The following NUCB1 variants were observed in gnomAD, a reference collection of about 807,000 sequenced individuals.
NUCB1 encodes the protein nucleobindin 1.
NUCB1 carries 47 observed loss-of-function variants against 61.2 expected under a neutral mutation model. The ratio of observed to expected loss-of-function variants is 0.77; its 90% CI spans 0.61 to 0.98. The LOEUF is 0.98. Among genes scored for constraint, NUCB1 ranks in the 50% least tolerant of loss-of-function variants. The probability of loss-of-function intolerance (pLI) is 0.00; values close to 1 mark genes in which losing one functional copy is unlikely to be tolerated. For synonymous variants in NUCB1, 234 were observed against 243.1 expected (o/e 0.96, Z 0.35); for missense variants, 583 against 605.3 (o/e 0.96, Z 0.39).
intron 10 of NUCB1, among the ~76,000 whole-genome samples, chr19:48,919,504 G>T (rs993580712): frequency 6.6e-6 from 1 of 150,556 alleles, no homozygotes; most frequent in Non-Finnish European, 1.5e-5. Context: ...CTGAGACGGA[G>T]TCTCACTCCA....
chr19:48,915,319 A>G (rs536409894), intron 7 of NUCB1, among the ~76,000 whole-genome samples: 61 of 96,228 alleles, frequency 6.3e-4, no homozygotes, highest in African/African-American at 2.6e-3. Flanking sequence ...TCTCTACTAA[A>G]AATACAAAAA....
intron 2 of NUCB1, chr19:48,901,181 C>A: frequency 1.7e-6 from 1 of 602,902 alleles, no homozygotes; most frequent in Non-Finnish European, 3.0e-6. Flanking sequence ...TTCTCTCCAC[C>A]CAAGAAGGAA....
chr19:48,904,952 G>C (rs1375345385), intron 3 of NUCB1, among the ~76,000 whole-genome samples: 1 of 149,004 alleles, frequency 6.7e-6, no homozygotes, highest in African/African-American at 2.6e-5. Flanking sequence ...CACAGAATAC[G>C]TGTTTAGTGC....
chr19:48,905,764 G>A lies in NUCB1; in HGVS notation c.255G>A (p.Leu85=), dbSNP rs939293847. The change falls in exon 4 of 13, where the codon CTG becomes CTA. Residue 85 remains leucine (L), a synonymous_variant. Coordinates refer to ENST00000405315, the MANE Select transcript of NUCB1 (RefSeq NM_006184.6). ...TCCTCTCCTGTCAGAGCGGGAAGCT[G>A]AGCCGAGAGCTGGACTTTGTCAGCC... ...ANAEDIKSGK[L]SRELDFVSHH... The A allele has an allele frequency of 4.3e-6, 7 of 1,614,086 alleles. No homozygotes were observed. Among genetic ancestry groups the A allele is most frequent in the Non-Finnish European group, 5.9e-6 (7 of 1,180,028 alleles).
At position 48,911,207 on chromosome 19, in the gene NUCB1, C is replaced by G. The variant is rs11544986; in HGVS notation, c.435C>G (p.Asn145Lys). The G allele has an allele frequency of 6.2e-7, 1 of 1,613,848 alleles. No individual in the cohort carries two copies. Among genetic ancestry groups the G allele is most frequent in the South Asian group, 1.1e-5 (1 of 91,078 alleles). Residue 145 changes from asparagine (N) to lysine (K), a missense_variant, in exon 5 of 13, where the codon AAC becomes AAG. Transcript: ENST00000405315. Reference sequence around the variant, plus strand: ...AGTTTGAACACCTGGACCCTCAGAACCAGCATACATTCGAGGCCCGCGACC... The same window carrying G: ...AGTTTGAACACCTGGACCCTCAGAAGCAGCATACATTCGAGGCCCGCGACC... ...LKQFEHLDPQ[N>K]QHTFEARDLE...
rs775914147 is a variant in NUCB1 at position 48,918,802 on chromosome 19, C to T, written c.816+18C>T. On this transcript the variant is annotated intron_variant, in intron 8 of 12. Transcript: ENST00000405315. The stretch of plus-strand genomic sequence containing the variant: ...CCAAGGAGGTGAGCATCTTGGAAGC[C>T]TCGGGCACCTGGAGGGACGCCCAAA... 2 of 1,611,946 alleles carry T rather than the reference C, an allele frequency of 1.2e-6. No individual in the cohort carries two copies. The highest frequency in any genetic ancestry group is 1.7e-6 in the Non-Finnish European group (2 of 1,178,118).
chr19:48,921,508 C>T (rs901237241), intron 11 of NUCB1, among the ~76,000 whole-genome samples, 184 bp downstream of exon 11: 2 of 152,106 alleles, frequency 1.3e-5, no homozygotes, highest in Non-Finnish European at 2.9e-5. Context: ...TCTGTGGCTG[C>T]CATGTGAGAT....
intron 4 of NUCB1, among the ~76,000 whole-genome samples, chr19:48,906,599 C>T (rs2037415449): frequency 6.6e-6 from 1 of 151,774 alleles, no homozygotes; most frequent in African/African-American, 2.4e-5. Context: ...TAATGCATGC[C>T]TGTGGTCCCA....
intron 2 of NUCB1, among the ~76,000 whole-genome samples, chr19:48,902,630 G>A (rs150099845): frequency 7.1e-4 from 106 of 148,516 alleles, no homozygotes; most frequent in African/African-American, 2.5e-3. Context: ...GGCTAGTCTC[G>A]AACTCCTGAG....
intron 7 of NUCB1, among the ~76,000 whole-genome samples, chr19:48,914,240 G>A (rs2037514249): frequency 6.6e-6 from 1 of 151,984 alleles, no homozygotes; most frequent in Admixed American, 6.6e-5. Flanking sequence ...ATCCCAAAGT[G>A]CTAGGATTAC....
rs1031373367 is a variant in NUCB1, at chr19:48,922,596, C to T, written c.*172C>T. On this transcript the variant is annotated 3_prime_UTR_variant, in exon 13 of 13. Transcript: ENST00000405315. ...GCCACCCCAGGTCCACCTGTCTCCACTTTCACAGCCTCCAAGTCTGTGGCT... is the reference window on the plus strand; with the variant it reads ...GCCACCCCAGGTCCACCTGTCTCCATTTTCACAGCCTCCAAGTCTGTGGCT... The T allele has an allele frequency of 6.7e-6, 4 of 597,744 alleles. No homozygotes were observed. The highest frequency in any genetic ancestry group is 1.2e-5 in the Non-Finnish European group (4 of 331,952). 37.0% of individuals were successfully genotyped at this position (597,744 alleles called of 1,614,324 possible).
chr19:48,918,610 C>T (rs1219082043), intron 7 of NUCB1, 116 bp from the exon 8 acceptor site: 37 of 811,918 alleles, frequency 4.6e-5, no homozygotes, highest in Middle Eastern at 2.2e-4. Context: ...GCGGGAGACC[C>T]GTAGTTACCT....
intron 3 of NUCB1, among the ~76,000 whole-genome samples, chr19:48,905,276 C>A (rs1239823106): frequency 6.6e-6 from 1 of 152,152 alleles, no homozygotes; most frequent in Admixed American, 6.5e-5. Context: ...TCCCTTACAT[C>A]ACCATGAACT....
At chr19:48,902,316 G>A (rs1336464588) in intron 2 of NUCB1, among the ~76,000 whole-genome samples, 2 of 151,892 alleles carry the variant, frequency 1.3e-5, no homozygotes, top group African/African-American at 4.8e-5. Context: ...TCACCATGTT[G>A]GCCAGGATGG....
intron 11 of NUCB1, 130 bp downstream of exon 11, chr19:48,921,454 C>A: frequency 9.4e-7 from 1 of 1,062,352 alleles, no homozygotes; most frequent in Non-Finnish European, 1.4e-6. Flanking sequence ...CAAGTATTCA[C>A]CGCCATCTTG....
At position 48,919,022 on chromosome 19, in the gene NUCB1, T is replaced by A; in HGVS notation, c.817-8T>A. Reference sequence around the variant, plus strand: ...TCAATGCTGTCTGCCTCTCGCTTGCTCCTGCAGCTGGAGAAAGTGTACGAC... The same window carrying A: ...TCAATGCTGTCTGCCTCTCGCTTGCACCTGCAGCTGGAGAAAGTGTACGAC... On this transcript the variant is annotated splice_region_variant and splice_polypyrimidine_tract_variant and intron_variant, in intron 8 of 12. Transcript: ENST00000405315. 6.2e-7 allele frequency: 1 copy of A among 1,613,292 alleles called. No individual in the cohort carries two copies. Among genetic ancestry groups the A allele is most frequent in the Non-Finnish European group, 8.5e-7 (1 of 1,179,692 alleles).
At position 48,900,838 on chromosome 19, in the gene NUCB1, G is replaced by A. The variant is rs755142107; in HGVS notation, c.42G>A (p.Pro14=). The change falls in exon 2 of 13, where the codon CCG becomes CCA. Residue 14 remains proline, a synonymous_variant. Coordinates refer to ENST00000405315, the MANE Select transcript of NUCB1 (RefSeq NM_006184.6). ...SGPRGTLLLL[P]LLLLLLLRAV... Reference sequence around the variant, plus strand: ...CCCGAGGAACCCTCCTTCTGTTGCCGCTGCTGCTGCTGCTCCTGCTTCGCG... The same window carrying A: ...CCCGAGGAACCCTCCTTCTGTTGCCACTGCTGCTGCTGCTCCTGCTTCGCG... 6.1e-5 allele frequency: 98 copies of A among 1,612,594 alleles called. No individual in the cohort carries two copies. The highest frequency in any genetic ancestry group is 1.8e-5 in the Non-Finnish European group (21 of 1,179,434).
chr19:48,916,990 C>T (rs957222168), intron 7 of NUCB1, among the ~76,000 whole-genome samples: 13 of 151,974 alleles, frequency 8.6e-5, no homozygotes, highest in South Asian at 2.1e-4. Flanking sequence ...GAAGCCAAGG[C>T]GGCTGGATCC....
At chr19:48,910,946 G>A (rs1260901495) in intron 4 of NUCB1, 15 of 499,256 alleles carry the variant, frequency 3.0e-5, no homozygotes, top group South Asian at 6.8e-5. Context: ...CTACATGTTA[G>A]TTTTTATTAT....
Sources: gnomAD v4.1 joint callset for allele counts (sites outside exome capture counted in the v4.1 genomes callset) on GRCh38, gnomAD v4.1.1 for gene constraint, MANE v1.5 for transcripts, NCBI Gene and HGNC (gene_info 2026-07-23, HGNC 2026-07-21) for gene names.